PLCB3: variants seen among roughly 807,000 people sequenced by gnomAD.
PLCB3 encodes the protein 1-phosphatidylinositol 4,5-bisphosphate phosphodiesterase beta-3.
Under a neutral mutation model 152.1 loss-of-function variants are expected in PLCB3, and 54 were observed. The observed-to-expected ratio is 0.36, with a 90% CI of 0.29 to 0.45. The LOEUF (loss-of-function observed/expected upper bound fraction) is 0.45. Ranked by LOEUF, PLCB3 falls within the 20% of genes least tolerant of loss-of-function variation. The pLI, the probability that PLCB3 is intolerant of heterozygous loss-of-function variation, is 1.00. For synonymous variants in PLCB3, 717 were observed against 698.7 expected (o/e 1.03, Z -0.41); for missense variants, 1,248 against 1,687.5 (o/e 0.74, Z 4.56).
In PLCB3 at chr11:64,255,227, C is replaced by T. The variant is rs760972943; in HGVS notation, c.388-7C>T. ...TCACCGCCTCCCCGTGTATACTGGC[C>T]CCCCAGGTCTGGTCTGAGGAGCTAT... On this transcript the variant is annotated splice_polypyrimidine_tract_variant and splice_region_variant and intron_variant, in intron 4 of 30. Transcript: ENST00000279230. The surrounding 1 kb of genome is among the most constrained non-coding windows in gnomAD (Gnocchi z 6.8). 22 of 1,610,926 alleles carry T rather than the reference C, an allele frequency of 1.4e-5. No homozygotes were observed. Among genetic ancestry groups the T allele is most frequent in the Non-Finnish European group, 1.6e-5 (19 of 1,177,838 alleles).
chr11:64,257,189 A>AGATG (rs2031587807), intron 10 of PLCB3, among the ~76,000 whole-genome samples: 2 of 151,924 alleles, frequency 1.3e-5, no homozygotes, highest in Admixed American at 6.6e-5. Flanking sequence ...TTTTTAGTAG[A>AGATG]GATGGGGTTT....
At chr11:64,256,885 G>A (rs1402130885) in intron 10 of PLCB3, 121 bp downstream of exon 10, 24 of 1,139,730 alleles carry the variant, frequency 2.1e-5, no homozygotes, top group Non-Finnish European at 3.0e-5. Context: ...TGCTGGGGAT[G>A]CAGGCAGGGA....
chr11:64,254,573 C>G, intron 2 of PLCB3, 81 bp downstream of exon 2: 1 of 1,432,530 alleles, frequency 7.0e-7, no homozygotes, highest in Non-Finnish European at 9.8e-7. Flanking sequence ...GGGTGGGGCC[C>G]GGCTGCAGGC....
At position 64,255,059 on chromosome 11, in the gene PLCB3, C is replaced by T. The variant is rs750770829; in HGVS notation, c.387+21C>T. On this transcript the variant is annotated intron_variant, in intron 4 of 30. Coordinates refer to ENST00000279230, the MANE Select transcript of PLCB3 (RefSeq NM_000932.5). This position sits in a 1 kb window ranked among gnomAD's most constrained non-coding sequence, Gnocchi z 6.8. Reference sequence around the variant, plus strand: ...CCAAGGTGGGCTGGCACCAAGGGGACGAAGGGGGAGTCACTGTCTTATTCT... The same window carrying T: ...CCAAGGTGGGCTGGCACCAAGGGGATGAAGGGGGAGTCACTGTCTTATTCT... The T allele has an allele frequency of 1.7e-5, 26 of 1,571,612 alleles. No homozygotes were observed. Among genetic ancestry groups the T allele is most frequent in the Admixed American group, 1.4e-4 (8 of 57,230 alleles).
In PLCB3 at chr11:64,264,132, G is replaced by T; in HGVS notation, c.2652+20G>T. 6 of 1,490,516 alleles carry T rather than the reference G, an allele frequency of 4.0e-6. No individual in the cohort carries two copies. Among genetic ancestry groups the T allele is most frequent in the Non-Finnish European group, 5.4e-6 (6 of 1,111,578 alleles). The allele number at this position is 1,490,516 out of a possible 1,614,324, so 92.3% of individuals were successfully genotyped here. ...AGTGAGGTGAGCCGGGGCAGGGCAGGGCTCAGGCTCACTGTGACCCAGGGG... is the reference window on the plus strand; with the variant it reads ...AGTGAGGTGAGCCGGGGCAGGGCAGTGCTCAGGCTCACTGTGACCCAGGGG... On this transcript the variant is annotated intron_variant, in intron 22 of 30. Transcript: ENST00000279230.
At chr11:64,260,375 C>T (rs1371332539) in intron 14 of PLCB3, 141 bp downstream of exon 14, 1 of 649,056 alleles carries the variant, frequency 1.5e-6, no homozygotes, top group African/African-American at 1.8e-5. Context: ...GAGGAGGGCT[C>T]TTCAGTCATC....
In PLCB3 at chr11:64,262,638, C is replaced by A. The variant is rs1294507442; in HGVS notation, c.2194-9C>A. The A allele has an allele frequency of 6.2e-7, 1 of 1,613,476 alleles. No homozygotes were observed. Among genetic ancestry groups the A allele is most frequent in the Non-Finnish European group, 8.5e-7 (1 of 1,179,780 alleles). On this transcript the variant is annotated splice_polypyrimidine_tract_variant and intron_variant, in intron 18 of 30. Coordinates refer to ENST00000279230, the MANE Select transcript of PLCB3 (RefSeq NM_000932.5). ...AGCATCCGCCTCACCCTCCTTGGCC[C>A]ACCCCCAGGTGATCTCAGGGCAGTT... is the stretch of plus-strand genomic sequence containing the variant.
In PLCB3 at chr11:64,264,098, A is replaced by T. The variant is rs1320567116; in HGVS notation, c.2638A>T (p.Ile880Phe). Reference sequence around the variant, plus strand: ...GAGGGCCCGGCAGCTGGCCGCCCTCATTGGGGAGAGTGAGGTGAGCCGGGG... The same window carrying T: ...GAGGGCCCGGCAGCTGGCCGCCCTCTTTGGGGAGAGTGAGGTGAGCCGGGG... The part of the protein sequence containing the change: ...DQRARQLAAL[I>F]GESEAQAGQE... The change falls in exon 22 of 31, where the codon ATT becomes TTT. Residue 880 changes from isoleucine (I) to phenylalanine (F), a missense_variant. Ile to Phe is a conservative substitution (Grantham distance 21). This residue lies in a region of PLCB3 where 477 missense variants were observed against 489.6 expected (regional missense o/e 0.97). Coordinates refer to ENST00000279230, the MANE Select transcript of PLCB3 (RefSeq NM_000932.5). 6.5e-7 allele frequency: 1 copy of T among 1,540,334 alleles called. No individual in the cohort carries two copies. The highest frequency in any genetic ancestry group is 1.4e-5 in the African/African-American group (1 of 72,286).
chr11:64,268,355 A>AC (rs2032240127), downstream of PLCB3: 1 of 152,104 alleles, frequency 6.6e-6, no homozygotes, highest in Non-Finnish European at 1.5e-5. Context: ...CCTGCCCAAC[A>AC]CCGGGGGACC....
At chr11:64,256,295 C>A in intron 8 of PLCB3, 81 bp from the exon 9 acceptor site, 1 of 1,354,386 alleles carries the variant, frequency 7.4e-7, no homozygotes. Context: ...CCTTCTGACT[C>A]CCTTGCCCAG....
At position 64,259,235 on chromosome 11, in the gene PLCB3, C is replaced by T. The variant is rs1272356442; in HGVS notation, c.1516C>T (p.Pro506Ser). 1.3e-6 allele frequency: 2 copies of T among 1,538,882 alleles called. No homozygotes were observed. Among genetic ancestry groups the T allele is most frequent in the Admixed American group, 3.8e-5 (2 of 52,084 alleles). The change falls in exon 13 of 31, where the codon CCG (proline) becomes TCG (serine). Residue 506 changes from proline to serine, a missense_variant. Physicochemically the swap from Pro to Ser is moderately conservative, Grantham distance 74. Around this residue, in one of 6 missense-constraint regions of PLCB3, gnomAD observed 105 missense variants for 100.9 expected, o/e 1.04. Transcript: ENST00000279230. ...CTCCGCGGCCACCGAGCCCTCCTCC[C>T]CGCAGCTGGGTAGGCCCCAGCCCGG... is the stretch of plus-strand genomic sequence containing the variant. ...ESSAATEPSSPQLGSPSSDSC... is the reference protein window; with the variant it reads ...ESSAATEPSSSQLGSPSSDSC...
At position 64,267,597 on chromosome 11, in the gene PLCB3, G is replaced by T; in HGVS notation, c.*41G>T. The T allele has an allele frequency of 7.0e-7, 1 of 1,431,464 alleles. No homozygotes were observed. Among genetic ancestry groups the T allele is most frequent in the Non-Finnish European group, 9.5e-7 (1 of 1,052,688 alleles). 88.7% of individuals were successfully genotyped at this position (1,431,464 alleles called of 1,614,324 possible). On this transcript the variant is annotated 3_prime_UTR_variant, in exon 31 of 31. Coordinates refer to ENST00000279230, the MANE Select transcript of PLCB3 (RefSeq NM_000932.5). This position sits in a 1 kb window ranked among gnomAD's most constrained non-coding sequence, Gnocchi z 5.2. The stretch of plus-strand genomic sequence containing the variant: ...TGGCCACAGGGCCAGGGCGGGCGCT[G>T]GGTGGAGGGCAGGAGGCAATGACAC...
At position 64,267,396 on chromosome 11, in the gene PLCB3, G is replaced by C; in HGVS notation, c.3545G>C (p.Arg1182Thr). The change falls in exon 31 of 31, where the codon AGG (arginine) becomes ACG (threonine). Residue 1182 changes from arginine to threonine, a missense_variant. Coordinates refer to ENST00000279230, the MANE Select transcript of PLCB3 (RefSeq NM_000932.5). The surrounding 1 kb of genome is among the most constrained non-coding windows in gnomAD (Gnocchi z 5.2). ...CAGGAGTGTCAGGAGCAGCGGGCGA[G>C]GCTCCCCCAGGAGATCCGCCGGAGC... ...LAQECQEQRA[R>T]LPQEIRRSLL... The C allele has an allele frequency of 6.5e-7, 1 of 1,540,668 alleles. No individual in the cohort carries two copies. Among genetic ancestry groups the C allele is most frequent in the Non-Finnish European group, 8.8e-7 (1 of 1,141,638 alleles).
chr11:64,251,716 C>T lies in PLCB3; in HGVS notation c.67C>T (p.Arg23Trp). Residue 23 changes from arginine to tryptophan, a missense_variant, in exon 1 of 31, where the codon CGG (arginine) becomes TGG (tryptophan). This residue lies in a region of PLCB3 where 299 missense variants were observed against 434.7 expected (regional missense o/e 0.69). Coordinates refer to ENST00000279230, the MANE Select transcript of PLCB3 (RefSeq NM_000932.5). ...LEPPTVVETLRRGSKFIKWDE... is the reference protein window; with the variant it reads ...LEPPTVVETLWRGSKFIKWDE... ...GCCGCCCACCGTGGTGGAGACCCTG[C>T]GGCGCGGGAGTAAGTTCATCAAATG... is the stretch of plus-strand genomic sequence containing the variant. 1 of 1,482,986 alleles carries T rather than the reference C, an allele frequency of 6.7e-7. No homozygotes were observed. The highest frequency in any genetic ancestry group is 1.3e-5 in the South Asian group (1 of 77,814). The allele number at this position is 1,482,986 out of a possible 1,614,324, so 91.9% of individuals were successfully genotyped here.
chr11:64,268,691 G>C (rs1053053330), downstream of PLCB3: 1 of 152,324 alleles, frequency 6.6e-6, no homozygotes, highest in Non-Finnish European at 1.5e-5. Flanking sequence ...TCCAGGGCGG[G>C]GCTGGGCTCG....
chr11:64,262,135 AC>A (rs1237909488), intron 17 of PLCB3, 59 bp downstream of exon 17: 4 of 1,605,546 alleles, frequency 2.5e-6, no homozygotes, highest in Non-Finnish European at 3.4e-6. Flanking sequence ...CTTCTGACCC[AC>A]GATCCTGCTG....
In PLCB3 at chr11:64,258,495, G is replaced by A. The variant is rs757760404; in HGVS notation, c.1035G>A (p.Ser345=). Residue 345 remains serine, a synonymous_variant, in exon 11 of 31, where the codon TCG becomes TCA. Transcript: ENST00000279230. The surrounding 1 kb of genome is among the most constrained non-coding windows in gnomAD (Gnocchi z 7.2). ...CAGCGGGGCAGCTGGCTGGGACCTC[G>A]TCGGTGGAGATGTACCGCCAGGCAC... The part of the protein sequence containing the change: ...YLTAGQLAGT[S]SVEMYRQALL... 1.2e-6 allele frequency: 2 copies of A among 1,613,464 alleles called. No individual in the cohort carries two copies. The highest frequency in any genetic ancestry group is 1.7e-6 in the Non-Finnish European group (2 of 1,179,854).
At chr11:64,259,335 C>T in intron 13 of PLCB3, 91 bp downstream of exon 13, 2 of 1,079,842 alleles carry the variant, frequency 1.9e-6, no homozygotes, top group South Asian at 1.6e-5. Context: ...AGACCCCCAG[C>T]CCACCCTCCT....
Position 64,266,663 on chromosome 11 carries a change from T to C in PLCB3, c.3414+111T>C. The C allele has an allele frequency of 9.7e-7, 1 of 1,026,914 alleles. No homozygotes were observed. Among genetic ancestry groups the C allele is most frequent in the African/African-American group, 1.6e-5 (1 of 63,422 alleles). The allele number at this position is 1,026,914 out of a possible 1,614,324, so 63.6% of individuals were successfully genotyped here. Reference sequence around the variant, plus strand: ...TTGCCCTCAAGGTTCTTCTAGGGCCTTTCTCAAGTGCCCAACAGCCCCAGG... The same window carrying C: ...TTGCCCTCAAGGTTCTTCTAGGGCCCTTCTCAAGTGCCCAACAGCCCCAGG... On this transcript the variant is annotated intron_variant, in intron 29 of 30. Coordinates refer to ENST00000279230, the MANE Select transcript of PLCB3 (RefSeq NM_000932.5). This position sits in a 1 kb window ranked among gnomAD's most constrained non-coding sequence, Gnocchi z 4.9.
Sources: allele counts gnomAD v4.1 joint callset (sites outside exome capture counted in the v4.1 genomes callset), GRCh38; gene constraint gnomAD v4.1.1; regional missense constraint gnomAD v4.1.1; non-coding constraint Gnocchi (gnomAD v3.1); transcripts MANE v1.5; gene names NCBI Gene and HGNC (gene_info 2026-07-23, HGNC 2026-07-21).